Variants in SDK1 observed in about 807,000 individuals in gnomAD.
The protein encoded by SDK1 is sidekick cell adhesion molecule 1, also known as protein sidekick-1.
A neutral mutation model predicts 245.5 loss-of-function variants in SDK1; 157 were observed. The ratio of observed to expected loss-of-function variants is 0.64; its 90% CI spans 0.56 to 0.73. SDK1 has a LOEUF of 0.73. Ranked by LOEUF, SDK1 falls within the 30% of genes least tolerant of loss-of-function variation. SDK1 has a pLI of 0.00. For missense variants in SDK1, 3,583 were observed against 3,002.3 expected, an observed-to-expected ratio of 1.19 and a Z score of -4.52; for synonymous variants, 1,647 against 1,278.5, an observed-to-expected ratio of 1.29 and a Z score of -6.15.
chr7:3,718,505 A>C (rs1454693157), intron 4 of SDK1, among the ~76,000 whole-genome samples: 1 of 150,696 alleles, frequency 6.6e-6, no homozygotes, highest in African/African-American at 2.4e-5. Context: ...CTGGGTGACA[A>C]AGCAAAACTG....
At chr7:4,094,945 A>G (rs1471415580) in intron 22 of SDK1, among the ~76,000 whole-genome samples, 3 of 152,210 alleles carry the variant, frequency 2.0e-5, no homozygotes, top group Non-Finnish European at 4.4e-5. Flanking sequence ...AAATTCAAAG[A>G]TTTTCTGATC....
At chr7:3,617,891 A>G (rs76148993) in intron 1 of SDK1, among the ~76,000 whole-genome samples, 4,165 of 152,208 alleles carry the variant, frequency 0.027, 74 homozygotes, top group Middle Eastern at 0.044. Flanking sequence ...TAACTCTAGG[A>G]AAGAGCTTGG....
chr7:3,879,475 G>A (rs950730852), intron 5 of SDK1, among the ~76,000 whole-genome samples: 7 of 152,108 alleles, frequency 4.6e-5, no homozygotes, highest in South Asian at 2.1e-4. Flanking sequence ...GGCAGAGACC[G>A]CAGCACCCTG....
At chr7:4,094,078 A>G (rs1359264459) in intron 22 of SDK1, among the ~76,000 whole-genome samples, 1 of 151,492 alleles carries the variant, frequency 6.6e-6, no homozygotes, top group East Asian at 1.9e-4. Flanking sequence ...TTTTTTTGAG[A>G]CGGACTCTCA....
At chr7:3,549,736 T>G (rs1480091426) in intron 1 of SDK1, among the ~76,000 whole-genome samples, 1 of 152,202 alleles carries the variant, frequency 6.6e-6, no homozygotes, top group East Asian at 1.9e-4. Context: ...TGCTTGATCT[T>G]TCTATAAACA....
chr7:3,938,754 C>A (rs1325797779), intron 5 of SDK1, among the ~76,000 whole-genome samples: 2 of 152,140 alleles, frequency 1.3e-5, no homozygotes, highest in East Asian at 1.9e-4. Flanking sequence ...TCATGCAGGT[C>A]CAATCACGCA....
chr7:3,667,747 T>C lies in SDK1; in HGVS notation c.713+25642T>C, dbSNP rs530366321. 1.8e-4 allele frequency among the ~76,000 whole-genome samples: 27 copies of C among 152,362 alleles called. No homozygotes were observed. The South Asian group carries it at 5.4e-3, about 30-fold the overall frequency. On this transcript the variant is annotated intron_variant, in intron 4 of 44. Transcript: ENST00000404826. ...GTTTCAGTTCTCGTAATGCATCTGG[T>C]ACTCATCTCTTTGTTGCACATATCA...
chr7:4,145,788 C>G lies in SDK1; in HGVS notation c.4295C>G (p.Ala1432Gly). The change falls in exon 29 of 45, where the codon GCC (alanine) becomes GGC (glycine). Residue 1432 changes from alanine to glycine, a missense_variant. By Grantham distance (60) the Ala-to-Gly change is moderately conservative. Coordinates refer to ENST00000404826, the MANE Select transcript of SDK1 (RefSeq NM_152744.4). ...PHTFTTVEVG[A>G]TVRQFTATDL... ...ACCTTCACCACCGTGGAGGTCGGCG[C>G]CACAGTGAGGCAGTTCACAGCCACC... 3 of 1,613,868 alleles carry G rather than the reference C, an allele frequency of 1.9e-6. No individual in the cohort carries two copies. Among genetic ancestry groups the G allele is most frequent in the South Asian group, 2.2e-5 (2 of 91,074 alleles).
At chr7:3,708,001 T>C (rs1784940566) in intron 4 of SDK1, among the ~76,000 whole-genome samples, 1 of 152,190 alleles carries the variant, frequency 6.6e-6, no homozygotes, top group African/African-American at 2.4e-5. Context: ...TAATTTATTT[T>C]TTTTTAAAAA....
chr7:3,702,799 C>CTTCTG (rs1291667430), intron 4 of SDK1, among the ~76,000 whole-genome samples: 3 of 152,186 alleles, frequency 2.0e-5, no homozygotes, highest in African/African-American at 7.2e-5. Context: ...TACTCCTTGA[C>CTTCTG]TTCTGCCTGT....
chr7:3,622,841 T>C (rs542500096), intron 2 of SDK1, among the ~76,000 whole-genome samples: 12 of 152,282 alleles, frequency 7.9e-5, no homozygotes, highest in African/African-American at 2.4e-4. Context: ...AATTATATTA[T>C]GTTCCACGAG....
intron 22 of SDK1, among the ~76,000 whole-genome samples, chr7:4,106,675 C>T (rs557238966): frequency 9.5e-4 from 144 of 152,286 alleles, no homozygotes; most frequent in Admixed American, 2.4e-3. Context: ...CAGAGAAACC[C>T]GATGAGCCTG....
intron 4 of SDK1, among the ~76,000 whole-genome samples, chr7:3,819,482 A>G (rs984305934): frequency 2.6e-5 from 4 of 151,858 alleles, no homozygotes; most frequent in African/African-American, 4.8e-5. Context: ...GATGTCAAAG[A>G]AAAAGTTATA....
chr7:3,472,646 A>C, intron 1 of SDK1, among the ~76,000 whole-genome samples: 1 of 152,340 alleles, frequency 6.6e-6, no homozygotes, highest in South Asian at 2.1e-4. Flanking sequence ...TTTGAATTTT[A>C]AAACAAATCA....
At chr7:4,087,476 C>T (rs889440217) in intron 22 of SDK1, among the ~76,000 whole-genome samples, 8 of 112,560 alleles carry the variant, frequency 7.1e-5, no homozygotes, top group East Asian at 5.9e-4. Context: ...GACACACACG[C>T]GCGCACACAC....
chr7:4,040,360 C>T (rs1281717279), intron 17 of SDK1, among the ~76,000 whole-genome samples: 1 of 152,150 alleles, frequency 6.6e-6, no homozygotes, highest in African/African-American at 2.4e-5. Flanking sequence ...ACCCGGGGGT[C>T]CGTGGCAACT....
chr7:3,747,047 C>G (rs548978051), intron 4 of SDK1, among the ~76,000 whole-genome samples: 3 of 152,200 alleles, frequency 2.0e-5, no homozygotes, highest in Non-Finnish European at 4.4e-5. Flanking sequence ...GATTCATAGG[C>G]TGCAGAATGG....
intron 1 of SDK1, among the ~76,000 whole-genome samples, chr7:3,492,774 C>G (rs1781903273): frequency 6.6e-6 from 1 of 152,120 alleles, no homozygotes; most frequent in Non-Finnish European, 1.5e-5. Flanking sequence ...GCAATAATGG[C>G]AAACAGAACG....
intron 4 of SDK1, among the ~76,000 whole-genome samples, chr7:3,747,611 C>T (rs1033891593): frequency 6.6e-6 from 1 of 151,950 alleles, no homozygotes; most frequent in African/African-American, 2.4e-5. Flanking sequence ...AATCATGGGG[C>T]AAAGGGAAAT....
Sources: allele counts gnomAD v4.1 joint callset (sites outside exome capture counted in the v4.1 genomes callset), GRCh38; gene constraint gnomAD v4.1.1; transcripts MANE v1.5; gene names NCBI Gene and HGNC (gene_info 2026-07-23, HGNC 2026-07-21).